The following NPHP1 variants were observed in gnomAD, a reference collection of about 807,000 sequenced individuals.
The protein encoded by NPHP1 is nephrocystin-1.
NPHP1 carries 70 observed loss-of-function variants against 90.4 expected under a neutral mutation model. The observed-to-expected ratio is 0.77, with a 90% CI of 0.64 to 0.95. The LOEUF is 0.95. Ranked by LOEUF, NPHP1 falls within the 40% of genes least tolerant of loss-of-function variation. The pLI is 0.00. For synonymous variants in NPHP1, 256 were observed against 271.7 expected (o/e 0.94, Z 0.57); for missense variants, 764 against 795.9 (o/e 0.96, Z 0.48).
At chr2:110,195,336 A>T (rs1212451654) in intron 2 of NPHP1, among the ~76,000 whole-genome samples, 3 of 152,156 alleles carry the variant, frequency 2.0e-5, no homozygotes, top group Admixed American at 1.3e-4. Flanking sequence ...CAATGTGCAA[A>T]AATCACAAGC....
chr2:110,126,702 T>C (rs1434878114), intron 18 of NPHP1: 1 of 152,682 alleles, frequency 6.5e-6, no homozygotes, highest in Non-Finnish European at 1.5e-5. Context: ...AAGTAAACTC[T>C]AGGAGGCTCA....
intron 16 of NPHP1, among the ~76,000 whole-genome samples, chr2:110,136,609 C>T (rs1266195247): frequency 3.3e-5 from 5 of 152,120 alleles, no homozygotes; most frequent in African/African-American, 7.2e-5. Flanking sequence ...AGGAATCCAA[C>T]TTACAAGGGA....
intron 13 of NPHP1, among the ~76,000 whole-genome samples, chr2:110,147,265 G>A (rs1197689657): frequency 1.3e-5 from 2 of 151,852 alleles, no homozygotes; most frequent in Admixed American, 6.6e-5. Context: ...GGCCCCTAAG[G>A]CTTCCTTTGG....
chr2:110,198,239 C>T (rs1385418558), intron 2 of NPHP1, among the ~76,000 whole-genome samples: 1 of 152,078 alleles, frequency 6.6e-6, no homozygotes, highest in African/African-American at 2.4e-5. Context: ...CTTGAGTCAG[C>T]AGACATAAAG....
At chr2:110,140,461 G>A (rs1680541184) in intron 16 of NPHP1, among the ~76,000 whole-genome samples, 1 of 152,128 alleles carries the variant, frequency 6.6e-6, no homozygotes, top group African/African-American at 2.4e-5. Flanking sequence ...CACTGCTTAA[G>A]AAGAAGGGGC....
chr2:110,125,513 G>C, intron 19 of NPHP1, 124 bp downstream of exon 19: 1 of 1,169,244 alleles, frequency 8.6e-7, no homozygotes. Context: ...TAATGAAACA[G>C]TTTCCCTGGT....
chr2:110,177,720 C>G (rs1683601787), intron 4 of NPHP1, among the ~76,000 whole-genome samples: 1 of 151,548 alleles, frequency 6.6e-6, no homozygotes, highest in Non-Finnish European at 1.5e-5. Flanking sequence ...CTCTGGCAGA[C>G]AAACAATGCA....
chr2:110,174,548 C>T (rs913705072), intron 4 of NPHP1, among the ~76,000 whole-genome samples: 5 of 152,152 alleles, frequency 3.3e-5, no homozygotes, highest in Non-Finnish European at 7.4e-5. Context: ...TTTCCTTCTA[C>T]ATATAGTCAG....
At chr2:110,197,234 C>A (rs1449558881) in intron 2 of NPHP1, among the ~76,000 whole-genome samples, 1 of 151,964 alleles carries the variant, frequency 6.6e-6, no homozygotes. Context: ...GTATGGCACA[C>A]GTTTACCTAT....
intron 2 of NPHP1, among the ~76,000 whole-genome samples, chr2:110,190,651 G>A (rs971421459): frequency 7.9e-5 from 12 of 152,330 alleles, no homozygotes; most frequent in South Asian, 4.1e-4. Context: ...ACAGGGCAGC[G>A]GCAGGCTGAA....
At chr2:110,133,749 T>C (rs759452190) in intron 16 of NPHP1, among the ~76,000 whole-genome samples, 2 of 149,096 alleles carry the variant, frequency 1.3e-5, no homozygotes, top group Non-Finnish European at 3.0e-5. Context: ...AACACATAAA[T>C]ATGTGGAAAT....
intron 11 of NPHP1, among the ~76,000 whole-genome samples, chr2:110,151,444 C>T (rs1219488910): frequency 2.0e-5 from 3 of 152,066 alleles, no homozygotes; most frequent in Admixed American, 6.5e-5. Context: ...AAATTGACAT[C>T]TTCCAAAGGA....
chr2:110,194,464 C>T (rs1214793686), intron 2 of NPHP1, among the ~76,000 whole-genome samples: 5 of 151,772 alleles, frequency 3.3e-5, no homozygotes, highest in Admixed American at 6.6e-5. Context: ...CAGGAAGAAG[C>T]TGAATCTCTG....
chr2:110,189,287 G>A (rs762864232), intron 2 of NPHP1, among the ~76,000 whole-genome samples: 25 of 152,138 alleles, frequency 1.6e-4, no homozygotes, highest in Admixed American at 1.3e-3. Flanking sequence ...TAAAGGCGGC[G>A]TGTCCAGAGT....
At chr2:110,189,246 C>T (rs572364737) in intron 2 of NPHP1, among the ~76,000 whole-genome samples, 2 of 152,230 alleles carry the variant, frequency 1.3e-5, no homozygotes, top group East Asian at 1.9e-4. Context: ...AGAATGAAGC[C>T]GTGGACCCTC....
chr2:110,128,954 T>C, intron 18 of NPHP1: 1 of 555,288 alleles, frequency 1.8e-6, no homozygotes, highest in Non-Finnish European at 3.3e-6. Context: ...GGGCAAAGAT[T>C]GCAATAGTGT....
intron 2 of NPHP1, among the ~76,000 whole-genome samples, chr2:110,180,049 G>A (rs1167255628): frequency 6.6e-6 from 1 of 152,130 alleles, no homozygotes; most frequent in East Asian, 1.9e-4. Context: ...TTTACTGTGT[G>A]CCAACCATGT....
intron 2 of NPHP1, among the ~76,000 whole-genome samples, chr2:110,193,756 A>G (rs2104681285): frequency 6.6e-6 from 1 of 152,310 alleles, no homozygotes. Context: ...CATAGTTGGA[A>G]GTAAAGCACT....
intron 18 of NPHP1, chr2:110,126,540 G>A (rs1280058535): frequency 6.6e-6 from 1 of 152,464 alleles, no homozygotes; most frequent in Non-Finnish European, 1.5e-5. Context: ...ACCACGTGAG[G>A]GGACTATGGT....
Sources: gnomAD v4.1 joint callset for allele counts (sites outside exome capture counted in the v4.1 genomes callset) on GRCh38, gnomAD v4.1.1 for gene constraint, MANE v1.5 for transcripts, NCBI Gene and HGNC (gene_info 2026-07-23, HGNC 2026-07-21) for gene names.